DTX4: variants seen among roughly 807,000 people sequenced by gnomAD.
DTX4 encodes deltex E3 ubiquitin ligase 4.
A neutral mutation model predicts 57.6 loss-of-function variants in DTX4; 28 were observed. The observed-to-expected ratio is 0.49, with a 90% CI of 0.36 to 0.67. DTX4 has a LOEUF of 0.67. DTX4 is among the 30% of genes least tolerant of loss of function. The pLI is 0.00. For missense variants in DTX4, 715 were observed against 836.8 expected, an observed-to-expected ratio of 0.85 and a Z score of 1.80; for synonymous variants, 316 against 331.0, an observed-to-expected ratio of 0.95 and a Z score of 0.49.
At chr11:59,188,860 G>A in intron 3 of DTX4, 64 bp downstream of exon 3, 1 of 1,427,638 alleles carries the variant, frequency 7.0e-7, no homozygotes, top group South Asian at 1.2e-5. Flanking sequence ...AATAGGTCAT[G>A]AGCATTTGTG....
intron 8 of DTX4, among the ~76,000 whole-genome samples, chr11:59,203,856 C>T (rs1004733209): frequency 6.6e-6 from 1 of 152,226 alleles, no homozygotes; most frequent in African/African-American, 2.4e-5. Flanking sequence ...AGTAAACACT[C>T]AGGAAATAGC....
chr11:59,198,915 A>G (rs1266810254), intron 7 of DTX4, among the ~76,000 whole-genome samples: 1 of 152,224 alleles, frequency 6.6e-6, no homozygotes, highest in Non-Finnish European at 1.5e-5. Context: ...CTGTGGACTC[A>G]TTCTGGGCAC....
Position 59,181,986 on chromosome 11 carries a change from C to G in DTX4, c.459C>G (p.Val153=). Residue 153 remains valine, a synonymous_variant, in exon 2 of 9, where the codon GTC becomes GTG. Transcript: ENST00000227451. ...GTCAGACCCAGCGCCAACGCCGCGT[C>G]CGCCGGCGCCTCGACCTCATCTACC... ...INRQTQRQRR[V]RRRLDLIYPM... is the part of the protein sequence containing the mutation. The G allele has an allele frequency of 1.9e-6, 3 of 1,613,964 alleles. No individual in the cohort carries two copies. Among genetic ancestry groups the G allele is most frequent in the Non-Finnish European group, 2.5e-6 (3 of 1,179,872 alleles).
chr11:59,181,197 C>A (rs1342291820), intron 1 of DTX4, among the ~76,000 whole-genome samples: 4 of 152,162 alleles, frequency 2.6e-5, no homozygotes, highest in African/African-American at 9.7e-5. Context: ...TTTAGAGGAA[C>A]AGAGGAGAAG....
rs1361413978 is a variant in DTX4, at chr11:59,181,837, C to A, written c.310C>A (p.Pro104Thr). The change falls in exon 2 of 9, where the codon CCC becomes ACC. Residue 104 changes from proline to threonine, a missense_variant. Physicochemically the swap from Pro to Thr is conservative, Grantham distance 38. Transcript: ENST00000227451. Reference protein sequence around the residue: ...EWENDNGSWTPYDMEVGITIQ... With the variant: ...EWENDNGSWTTYDMEVGITIQ... ...GGAGAACGACAATGGCTCCTGGACG[C>A]CCTACGACATGGAAGTGGGCATCAC... 6 of 1,613,952 alleles carry A rather than the reference C, an allele frequency of 3.7e-6. No homozygotes were observed. Among genetic ancestry groups the A allele is most frequent in the Non-Finnish European group, 5.1e-6 (6 of 1,179,880 alleles).
Position 59,172,587 on chromosome 11 carries a change from G to T in DTX4, c.-9G>T. On this transcript the variant is annotated 5_prime_UTR_variant, in exon 1 of 9. Coordinates refer to ENST00000227451, the MANE Select transcript of DTX4 (RefSeq NM_015177.2). ...GCGGGCCGCGCAGCGCCGCAGCCCC[G>T]GGCTCGCCATGCTCCTGGCCTCGGC... 2 of 1,450,158 alleles carry T rather than the reference G, an allele frequency of 1.4e-6. No homozygotes were observed. The highest frequency in any genetic ancestry group is 1.5e-5 in the African/African-American group (1 of 68,230). 89.8% of individuals were successfully genotyped at this position (1,450,158 alleles called of 1,614,324 possible). A position where few individuals can be genotyped will look rare whatever the true frequency, so the allele number is the denominator to read the frequency against.
chr11:59,184,318 G>T (rs1461199454), intron 2 of DTX4, among the ~76,000 whole-genome samples: 3 of 152,210 alleles, frequency 2.0e-5, no homozygotes, highest in Non-Finnish European at 2.9e-5. Context: ...TGCTGTGTCA[G>T]TTGGGGCAAG....
intron 1 of DTX4, among the ~76,000 whole-genome samples, chr11:59,180,351 G>A (rs1008708115): frequency 1.5e-4 from 23 of 152,164 alleles, no homozygotes; most frequent in African/African-American, 5.1e-4. Context: ...ATAGGGGATT[G>A]TTCTGCTTCT....
intron 2 of DTX4, among the ~76,000 whole-genome samples, chr11:59,187,757 T>C (rs1862545758): frequency 6.6e-6 from 1 of 152,180 alleles, no homozygotes; most frequent in Admixed American, 6.5e-5. Context: ...ATTTTCCAAG[T>C]CAGCGCTGTG....
intron 1 of DTX4, among the ~76,000 whole-genome samples, chr11:59,177,203 T>C (rs756448131): frequency 6.6e-6 from 1 of 152,098 alleles, no homozygotes; most frequent in Non-Finnish European, 1.5e-5. Context: ...GAAATTTGAG[T>C]GTACCCATGC....
chr11:59,200,746 G>T (rs1862731155), intron 8 of DTX4, among the ~76,000 whole-genome samples: 1 of 152,162 alleles, frequency 6.6e-6, no homozygotes, highest in Non-Finnish European at 1.5e-5. Flanking sequence ...GTATTTCTAT[G>T]GATGAGGCCA....
chr11:59,189,939 C>T (rs1452936715), intron 4 of DTX4, among the ~76,000 whole-genome samples: 1 of 152,186 alleles, frequency 6.6e-6, no homozygotes, highest in African/African-American at 2.4e-5. Context: ...TGTGGCTTGT[C>T]TTTCTGGTCA....
At chr11:59,192,487 C>T (rs988900562) in intron 6 of DTX4, among the ~76,000 whole-genome samples, 10 of 152,190 alleles carry the variant, frequency 6.6e-5, no homozygotes, top group African/African-American at 2.2e-4. Flanking sequence ...TCTCCATCTT[C>T]GGTGTCAGGT....
intron 2 of DTX4, among the ~76,000 whole-genome samples, chr11:59,187,760 G>A (rs1170647036): frequency 6.6e-6 from 1 of 152,206 alleles, no homozygotes; most frequent in Non-Finnish European, 1.5e-5. Flanking sequence ...TTCCAAGTCA[G>A]CGCTGTGGGA....
intron 7 of DTX4, among the ~76,000 whole-genome samples, chr11:59,199,079 A>G (rs1344849193): frequency 6.6e-6 from 1 of 152,236 alleles, no homozygotes. Flanking sequence ...TTGTTAAAGA[A>G]GAAAACAAAC....
At chr11:59,174,776 G>A (rs1482904143) in intron 1 of DTX4, among the ~76,000 whole-genome samples, 4 of 152,170 alleles carry the variant, frequency 2.6e-5, no homozygotes, top group African/African-American at 9.7e-5. Flanking sequence ...GCCTGGTGGT[G>A]AGCAATTTAG....
At chr11:59,198,659 C>T (rs921106850) in intron 7 of DTX4, among the ~76,000 whole-genome samples, 1 of 152,168 alleles carries the variant, frequency 6.6e-6, no homozygotes, top group Non-Finnish European at 1.5e-5. Context: ...TGTTCTTCCA[C>T]ACTCGTTCAT....
rs1490260680 is a variant in DTX4 at position 59,181,937 on chromosome 11, T to G, written c.410T>G (p.Phe137Cys). Residue 137 changes from phenylalanine to cysteine, a missense_variant, in exon 2 of 9, where the codon TTC (phenylalanine) becomes TGC (cysteine). Phe to Cys is a radical substitution (Grantham distance 205). Transcript: ENST00000227451. ...TSIGFSYVIDFNTMGQINRQT... is the reference protein window; with the variant it reads ...TSIGFSYVIDCNTMGQINRQT... ...ATTGGCTTTAGCTACGTAATTGACT[T>G]CAACACCATGGGCCAGATCAACCGT... is the stretch of plus-strand genomic sequence containing the variant. 1 of 1,613,740 alleles carries G rather than the reference T, an allele frequency of 6.2e-7. No homozygotes were observed. The highest frequency in any genetic ancestry group is 8.5e-7 in the Non-Finnish European group (1 of 1,179,844).
At position 59,172,501 on chromosome 11, in the gene DTX4, G is replaced by C; in HGVS notation, c.-95G>C. On this transcript the variant is annotated 5_prime_UTR_variant, in exon 1 of 9. Transcript: ENST00000227451. ...GGGGCGCGGGGCAGGGGGCGCGGTC[G>C]AGGCCCGGAGGCGGCGGCGCAGGAG... is the stretch of plus-strand genomic sequence containing the variant. 1.3e-6 allele frequency: 1 copy of C among 780,878 alleles called. No homozygotes were observed. The highest frequency in any genetic ancestry group is 1.7e-6 in the Non-Finnish European group (1 of 597,100). The allele number at this position is 780,878 out of a possible 1,614,324, so 48.4% of individuals were successfully genotyped here. A position where few individuals can be genotyped will look rare whatever the true frequency, so the allele number is the denominator to read the frequency against.
Sources: allele counts gnomAD v4.1 joint callset (sites outside exome capture counted in the v4.1 genomes callset), GRCh38; gene constraint gnomAD v4.1.1; transcripts MANE v1.5; gene names NCBI Gene and HGNC (gene_info 2026-07-23, HGNC 2026-07-21).